MBTPS1: variants seen among roughly 807,000 people sequenced by gnomAD.
MBTPS1 encodes the protein membrane-bound transcription factor site-1 protease.
MBTPS1 carries 94 observed loss-of-function variants against 127.8 expected under a neutral mutation model. The ratio of observed to expected loss-of-function variants is 0.74; its 90% CI spans 0.62 to 0.87. The LOEUF is 0.87. MBTPS1 is among the 40% of genes least tolerant of loss of function. MBTPS1 has a pLI of 0.00. For synonymous variants in MBTPS1, 632 were observed against 509.4 expected (o/e 1.24, Z -3.24); for missense variants, 1,636 against 1,353.2 (o/e 1.21, Z -3.28).
intron 11 of MBTPS1, among the ~76,000 whole-genome samples, chr16:84,078,232 G>C (rs112261637): frequency 7.5e-6 from 1 of 133,908 alleles, no homozygotes; most frequent in Non-Finnish European, 1.6e-5. Context: ...GGGCGCTCTC[G>C]ACCCGGACCA....
At chr16:84,068,964 G>T (rs912102037) in intron 14 of MBTPS1, among the ~76,000 whole-genome samples, 1 of 152,016 alleles carries the variant, frequency 6.6e-6, no homozygotes, top group Non-Finnish European at 1.5e-5. Flanking sequence ...ACCCTCTAGG[G>T]GTCACCTCAT....
chr16:84,085,597 AAAAC>A (rs1363563625), intron 9 of MBTPS1, among the ~76,000 whole-genome samples: 2 of 144,504 alleles, frequency 1.4e-5, no homozygotes, highest in Non-Finnish European at 3.0e-5. Flanking sequence ...AAAAGAGAAA[AAAAC>A]AAAGAAATTC....
intron 2 of MBTPS1, among the ~76,000 whole-genome samples, chr16:84,100,444 T>G (rs1262729515): frequency 6.6e-6 from 1 of 151,988 alleles, no homozygotes; most frequent in East Asian, 1.9e-4. Context: ...CTCGGGAGGC[T>G]GAGGCAGGAG....
At chr16:84,070,972 G>A (rs2085762428) in intron 12 of MBTPS1, among the ~76,000 whole-genome samples, 196 bp from the exon 13 acceptor site, 2 of 152,202 alleles carry the variant, frequency 1.3e-5, no homozygotes, top group Non-Finnish European at 2.9e-5. Flanking sequence ...CGTATCACTA[G>A]AAAAGTCTAG....
intron 1 of MBTPS1, chr16:84,109,513 G>A (rs1439334219): frequency 6.6e-6 from 1 of 152,208 alleles, no homozygotes; most frequent in Non-Finnish European, 1.5e-5. Context: ...CACGGAGCCA[G>A]GTCTACGAGA....
At position 84,090,865 on chromosome 16, in the gene MBTPS1, G is replaced by A; in HGVS notation, c.1031+10C>T. On this transcript the variant is annotated intron_variant, in intron 8 of 22. Coordinates refer to ENST00000343411, the MANE Select transcript of MBTPS1 (RefSeq NM_003791.4). The stretch of plus-strand genomic sequence containing the variant: ...AAATCCCCGAGGTCATCCCTGCTGG[G>A]GCTACTTACCCATAAAGAGGTCCGT... 2 of 1,604,878 alleles carry A rather than the reference G, an allele frequency of 1.2e-6. No individual in the cohort carries two copies. The highest frequency in any genetic ancestry group is 1.7e-6 in the Non-Finnish European group (2 of 1,174,566).
chr16:84,102,486 A>G (rs1226326192), intron 1 of MBTPS1, among the ~76,000 whole-genome samples: 1 of 152,200 alleles, frequency 6.6e-6, no homozygotes, highest in African/African-American at 2.4e-5. Context: ...AAAACAATAA[A>G]ATCAATGAGA....
chr16:84,094,202 C>T (rs1048029677), intron 4 of MBTPS1, among the ~76,000 whole-genome samples: 1 of 152,044 alleles, frequency 6.6e-6, no homozygotes, highest in Non-Finnish European at 1.5e-5. Flanking sequence ...CAGGTCTCCA[C>T]CCCCCACCTT....
At chr16:84,069,366 G>A (rs1597313645) in intron 14 of MBTPS1, among the ~76,000 whole-genome samples, 1 of 152,216 alleles carries the variant, frequency 6.6e-6, no homozygotes, top group African/African-American at 2.4e-5. Context: ...GCTTGGCCGG[G>A]TGAGGAAGTC....
Position 84,093,208 on chromosome 16 carries a change from T to G in MBTPS1, c.826A>C (p.Arg276=). The change falls in exon 6 of 23, where the codon AGG becomes CGG. Residue 276 remains arginine (R), a synonymous_variant. Coordinates refer to ENST00000343411, the MANE Select transcript of MBTPS1 (RefSeq NM_003791.4). Reference sequence around the variant, plus strand: ...CCTACCTGATTATTGGTAAAGACCCTGAAAATGTGAAGTTCTGCATCTGGA... The same window carrying G: ...CCTACCTGATTATTGGTAAAGACCCGGAAAATGTGAAGTTCTGCATCTGGA... The part of the protein sequence containing the change: ...FAPDAELHIF[R]VFTNNQVSYT... 6.2e-7 allele frequency: 1 copy of G among 1,613,008 alleles called. No homozygotes were observed. The highest frequency in any genetic ancestry group is 8.5e-7 in the Non-Finnish European group (1 of 1,178,960).
chr16:84,109,756 G>C (rs2086374156), intron 1 of MBTPS1, among the ~76,000 whole-genome samples: 1 of 152,188 alleles, frequency 6.6e-6, no homozygotes, highest in African/African-American at 2.4e-5. Context: ...ATCCAAACTG[G>C]ATCCATCTGC....
chr16:84,088,028 C>G (rs2086055673), intron 8 of MBTPS1, among the ~76,000 whole-genome samples: 1 of 152,150 alleles, frequency 6.6e-6, no homozygotes, highest in Non-Finnish European at 1.5e-5. Context: ...ACTCTGTAAT[C>G]TTGAGCTCCT....
Position 84,066,570 on chromosome 16 carries a change from G to C in MBTPS1, c.2272C>G (p.Leu758Val), listed in dbSNP as rs769339105. 6 of 1,614,076 alleles carry C rather than the reference G, an allele frequency of 3.7e-6. No homozygotes were observed. Among genetic ancestry groups the C allele is most frequent in the East Asian group, 2.2e-5 (1 of 44,900 alleles). The change falls in exon 17 of 23, where the codon CTG (leucine) becomes GTG (valine). Residue 758 changes from leucine to valine, a missense_variant. Coordinates refer to ENST00000343411, the MANE Select transcript of MBTPS1 (RefSeq NM_003791.4). ...PDTGGANIPALNELLSVWNMG... is the reference protein window; with the variant it reads ...PDTGGANIPAVNELLSVWNMG... ...TTCCACACAGACAGCAGCTCATTCAGAGCTGGGATGTTAGCTCCTCCGGTA... is the reference window on the plus strand; with the variant it reads ...TTCCACACAGACAGCAGCTCATTCACAGCTGGGATGTTAGCTCCTCCGGTA...
At chr16:84,110,744 T>C (rs1284820470) in intron 1 of MBTPS1, 1 of 152,218 alleles carries the variant, frequency 6.6e-6, no homozygotes, top group African/African-American at 2.4e-5. Context: ...GTAGAACAGC[T>C]GGGCTGAGAA....
Position 84,070,660 on chromosome 16 carries a change from C to A in MBTPS1, c.1710G>T (p.Lys570Asn), listed in dbSNP as rs1265842882. The change falls in exon 13 of 23, where the codon AAG becomes AAT. Residue 570 changes from lysine to asparagine, a missense_variant. Lys to Asn is a moderately conservative substitution (Grantham distance 94). Coordinates refer to ENST00000343411, the MANE Select transcript of MBTPS1 (RefSeq NM_003791.4). The part of the protein sequence containing the change: ...GYLAISISVT[K>N]KAASWEGIAQ... ...CAATGCCTTCCCAGGAAGCCGCTTT[C>A]TTGGTCACAGAAATGGAGATGGCCA... The A allele has an allele frequency of 6.2e-7, 1 of 1,613,966 alleles. No individual in the cohort carries two copies. The highest frequency in any genetic ancestry group is 8.5e-7 in the Non-Finnish European group (1 of 1,179,990).
At chr16:84,110,482 A>C (rs978603147) in intron 1 of MBTPS1, among the ~76,000 whole-genome samples, 2 of 152,226 alleles carry the variant, frequency 1.3e-5, no homozygotes, top group Non-Finnish European at 1.5e-5. Flanking sequence ...AAAAAAAAAC[A>C]ACCTTTTAGA....
chr16:84,116,590 G>C (rs1386533729), intron 1 of MBTPS1, 145 bp downstream of exon 1: 1 of 152,214 alleles, frequency 6.6e-6, no homozygotes, highest in Admixed American at 6.5e-5. Context: ...AAGCGCCGGA[G>C]GCCCCGCGCC....
intron 1 of MBTPS1, among the ~76,000 whole-genome samples, chr16:84,111,812 G>A (rs2086401679): frequency 6.6e-6 from 1 of 152,010 alleles, no homozygotes; most frequent in South Asian, 2.1e-4. Flanking sequence ...TAGAAATATG[G>A]GGAAATGCTA....
intron 10 of MBTPS1, chr16:84,082,137 G>A (rs1325481677): frequency 2.9e-5 from 10 of 348,646 alleles, no homozygotes; most frequent in Admixed American, 9.5e-5. Context: ...TATGCTAAAT[G>A]CATCAGTAAC....
Sources: gnomAD v4.1 joint callset for allele counts (sites outside exome capture counted in the v4.1 genomes callset) on GRCh38, gnomAD v4.1.1 for gene constraint, MANE v1.5 for transcripts, NCBI Gene and HGNC (gene_info 2026-07-23, HGNC 2026-07-21) for gene names.